Variants in MLLT3 observed in about 807,000 individuals in gnomAD.
MLLT3 encodes MLLT3 super elongation complex subunit, also known as protein AF-9.
MLLT3 carries 4 observed loss-of-function variants against 53.2 expected under a neutral mutation model. That is an observed-to-expected ratio of 0.08 (90% CI 0.04 to 0.17). MLLT3 has a LOEUF of 0.17. MLLT3 is among the 10% of genes least tolerant of loss of function. The pLI, the probability that MLLT3 is intolerant of heterozygous loss-of-function variation, is 1.00. For synonymous variants in MLLT3, 283 were observed against 230.6 expected, an observed-to-expected ratio of 1.23 and a Z score of -2.06; for missense variants, 569 against 684.0, an observed-to-expected ratio of 0.83 and a Z score of 1.87.
intron 5 of MLLT3, among the ~76,000 whole-genome samples, chr9:20,395,765 A>G (rs944161275): frequency 3.9e-5 from 6 of 152,218 alleles, no homozygotes; most frequent in African/African-American, 9.6e-5. Context: ...TGAAAGCAAC[A>G]TAAATCTTTC....
chr9:20,450,474 ACC>A (rs1823811181), intron 3 of MLLT3, among the ~76,000 whole-genome samples: 1 of 152,098 alleles, frequency 6.6e-6, no homozygotes, highest in African/African-American at 2.4e-5. Context: ...GTCTCTTACT[ACC>A]TTTCCTATAT....
intron 2 of MLLT3, among the ~76,000 whole-genome samples, chr9:20,529,999 G>A (rs1818291410): frequency 6.6e-6 from 1 of 152,084 alleles, no homozygotes; most frequent in Non-Finnish European, 1.5e-5. Context: ...CCACTACTGA[G>A]AAAGAGAAGG....
intron 4 of MLLT3, among the ~76,000 whole-genome samples, chr9:20,424,981 A>G (rs1276444189): frequency 1.3e-5 from 2 of 152,148 alleles, no homozygotes; most frequent in African/African-American, 4.8e-5. Flanking sequence ...TATTACTACC[A>G]CCACCACTAG....
At chr9:20,415,390 A>G (rs1204389135) in intron 4 of MLLT3, 1 of 772,172 alleles carries the variant, frequency 1.3e-6, no homozygotes, top group East Asian at 1.3e-4. Flanking sequence ...TATATAACCT[A>G]TATATAATCT....
Position 20,365,710 on chromosome 9 carries a change from C to G in MLLT3, c.1160G>C (p.Ser387Thr), listed in dbSNP as rs1409785366. ...GGATGGTGTGAAGCTGGAGCTGGAG[C>G]TGGAGCTGGAGCTGGCAGGACTGGG... ...EQPSPASSSSSSSSSFTPSQT... is the reference protein window; with the variant it reads ...EQPSPASSSSTSSSSFTPSQT... Residue 387 changes from serine to threonine, a missense_variant, in exon 6 of 11, where the codon AGC becomes ACC. Physicochemically the swap from Ser to Thr is moderately conservative, Grantham distance 58. This residue lies in a region of MLLT3 where 437 missense variants were observed against 376.5 expected (regional missense o/e 1.16). Coordinates refer to ENST00000380338, the MANE Select transcript of MLLT3 (RefSeq NM_004529.4). The G allele has an allele frequency of 6.2e-7, 1 of 1,614,168 alleles. No homozygotes were observed. The highest frequency in any genetic ancestry group is 8.5e-7 in the Non-Finnish European group (1 of 1,180,034).
intron 2 of MLLT3, among the ~76,000 whole-genome samples, chr9:20,615,066 G>A (rs188567774): frequency 1.1e-4 from 17 of 152,196 alleles, no homozygotes; most frequent in Admixed American, 7.2e-4. Flanking sequence ...GTGATAGGCC[G>A]GGCACAATGG....
At chr9:20,569,296 A>G (rs976212705) in intron 2 of MLLT3, among the ~76,000 whole-genome samples, 1 of 152,152 alleles carries the variant, frequency 6.6e-6, no homozygotes, top group Non-Finnish European at 1.5e-5. Context: ...ACTCGGAGAA[A>G]CCAGGTAACC....
chr9:20,516,403 T>G (rs1360976462), intron 2 of MLLT3, among the ~76,000 whole-genome samples: 1 of 152,216 alleles, frequency 6.6e-6, no homozygotes, highest in Non-Finnish European at 1.5e-5. Flanking sequence ...GAGCTAGAGC[T>G]TCTACAGTCT....
chr9:20,452,119 A>C (rs1359994805), intron 3 of MLLT3, among the ~76,000 whole-genome samples: 1 of 152,180 alleles, frequency 6.6e-6, no homozygotes, highest in Non-Finnish European at 1.5e-5. Context: ...CTCTTCCATC[A>C]TTACCTGGAA....
At chr9:20,526,305 G>A (rs1291319542) in intron 2 of MLLT3, among the ~76,000 whole-genome samples, 3 of 152,092 alleles carry the variant, frequency 2.0e-5, no homozygotes, top group Non-Finnish European at 4.4e-5. Flanking sequence ...TTCAAGAAAT[G>A]GAACATTACC....
intron 5 of MLLT3, among the ~76,000 whole-genome samples, chr9:20,383,921 T>C (rs1268576187): frequency 6.6e-6 from 1 of 152,004 alleles, no homozygotes; most frequent in African/African-American, 2.4e-5. Context: ...ATTGTTAATC[T>C]AAGCACAAAT....
chr9:20,363,172 C>A (rs1821367578), intron 7 of MLLT3: 3 of 255,586 alleles, frequency 1.2e-5, no homozygotes, highest in Non-Finnish European at 2.2e-5. Flanking sequence ...ACAAACTCTT[C>A]AAATGAAAAC....
intron 2 of MLLT3, among the ~76,000 whole-genome samples, chr9:20,493,446 T>C (rs1243283175): frequency 6.6e-6 from 1 of 152,030 alleles, no homozygotes; most frequent in Non-Finnish European, 1.5e-5. Flanking sequence ...TCTTTATAAA[T>C]AGTTCCTCAA....
chr9:20,621,712 G>GGCCCCGCCGCTGTCA lies in MLLT3; in HGVS notation c.12+518_12+532dup, dbSNP rs1318174414. 68 of 1,465,864 alleles carry GGCCCCGCCGCTGTCA rather than the reference G, an allele frequency of 4.6e-5. No homozygotes were observed. The highest frequency in any genetic ancestry group is 6.0e-5 in the Non-Finnish European group (66 of 1,108,068). 90.8% of individuals were successfully genotyped at this position (1,465,864 alleles called of 1,614,324 possible). A position where few individuals can be genotyped will look rare whatever the true frequency, so the allele number is the denominator to read the frequency against. ...CCGGCGCTGGGGCAAAGTTGCGTGC[G>GGCCCCGCCGCTGTCA]GCCCCGCCGCTGTCAGCCCCGCACA... On this transcript the variant is annotated intron_variant, in intron 1 of 10. Coordinates refer to ENST00000380338, the MANE Select transcript of MLLT3 (RefSeq NM_004529.4). The surrounding 1 kb of genome is among the most constrained non-coding windows in gnomAD (Gnocchi z 7.0).
At chr9:20,543,817 A>G (rs1397762554) in intron 2 of MLLT3, among the ~76,000 whole-genome samples, 1 of 152,256 alleles carries the variant, frequency 6.6e-6, no homozygotes, top group Non-Finnish European at 1.5e-5. Flanking sequence ...AAATTATGGC[A>G]TAAGAACACA....
intron 2 of MLLT3, among the ~76,000 whole-genome samples, chr9:20,560,323 AACT>A (rs1232587856): frequency 2.0e-5 from 3 of 152,220 alleles, no homozygotes; most frequent in Non-Finnish European, 2.9e-5. Flanking sequence ...AAAAAGCCAC[AACT>A]ACTATTTTGA....
At chr9:20,381,113 T>G (rs1210436062) in intron 5 of MLLT3, among the ~76,000 whole-genome samples, 1 of 152,000 alleles carries the variant, frequency 6.6e-6, no homozygotes, top group African/African-American at 2.4e-5. Context: ...TCTGAAATTG[T>G]GCTGAAATGA....
In MLLT3 at chr9:20,562,698, G is replaced by C. The variant is rs189110811; in HGVS notation, c.193+57956C>G. On this transcript the variant is annotated intron_variant, in intron 2 of 10. Transcript: ENST00000380338. ...AGTGTTTTTAGGGGATGACCAGGTA[G>C]AAATAATTTATCATTTTGATTTCCT... Among the ~76,000 whole-genome samples the C allele has an allele frequency of 9.7e-4, 147 of 152,292 alleles. 1 individual carries two copies. The highest frequency in any genetic ancestry group is 3.3e-3 in the African/African-American group (138 of 41,580).
chr9:20,620,586 G>T lies in MLLT3; in HGVS notation c.193+68C>A. ...CGGGGGGCGGGGAGCGGGACAGCGG[G>T]ACCGCCCGGGCCAAGCGATTGTTTC... is the stretch of plus-strand genomic sequence containing the variant. On this transcript the variant is annotated intron_variant, in intron 2 of 10. Transcript: ENST00000380338. This position sits in a 1 kb window ranked among gnomAD's most constrained non-coding sequence, Gnocchi z 6.1. 1 of 1,477,100 alleles carries T rather than the reference G, an allele frequency of 6.8e-7. No individual in the cohort carries two copies. The highest frequency in any genetic ancestry group is 9.2e-7 in the Non-Finnish European group (1 of 1,086,378). 91.5% of individuals were successfully genotyped at this position (1,477,100 alleles called of 1,614,324 possible).
Sources: gnomAD v4.1 joint callset for allele counts (sites outside exome capture counted in the v4.1 genomes callset) on GRCh38, gnomAD v4.1.1 for gene constraint, gnomAD v4.1.1 regional missense constraint, Gnocchi (gnomAD v3.1) non-coding constraint, MANE v1.5 for transcripts, NCBI Gene and HGNC (gene_info 2026-07-23, HGNC 2026-07-21) for gene names.